Variants in ADAMTSL4 observed in about 807,000 individuals in gnomAD.
ADAMTSL4 encodes ADAMTS like 4.
Under a neutral mutation model 122.8 loss-of-function variants are expected in ADAMTSL4, and 97 were observed. That is an observed-to-expected ratio of 0.79 (90% CI 0.67 to 0.93). ADAMTSL4 has a LOEUF of 0.93. Among genes scored for constraint, ADAMTSL4 ranks in the 40% least tolerant of loss-of-function variants. The pLI is 0.00. For missense variants in ADAMTSL4, 1,408 were observed against 1,453.5 expected, an observed-to-expected ratio of 0.97 and a Z score of 0.51; for synonymous variants, 592 against 568.0, an observed-to-expected ratio of 1.04 and a Z score of -0.60.
chr1:150,559,455 C>T lies in ADAMTSL4; in HGVS notation c.2932C>T (p.Pro978Ser). 1.2e-6 allele frequency: 2 copies of T among 1,613,380 alleles called. No individual in the cohort carries two copies. Among genetic ancestry groups the T allele is most frequent in the Non-Finnish European group, 1.7e-6 (2 of 1,179,996 alleles). Residue 978 changes from proline to serine, a missense_variant, in exon 17 of 19, where the codon CCC becomes TCC. Coordinates refer to ENST00000271643, the MANE Select transcript of ADAMTSL4 (RefSeq NM_019032.6). This position sits in a 1 kb window ranked among gnomAD's most constrained non-coding sequence, Gnocchi z 4.1. ...CTGCCAGGACCGATGGTTTTCCACGCCCTGGAGCCCAGTGAGTGTCTGGCT... is the reference window on the plus strand; with the variant it reads ...CTGCCAGGACCGATGGTTTTCCACGTCCTGGAGCCCAGTGAGTGTCTGGCT... The part of the protein sequence containing the change: ...QACQDRWFST[P>S]WSPCSRSCQG...
In ADAMTSL4 at chr1:150,558,607, G is replaced by T; in HGVS notation, c.2517G>T (p.Gly839=). 1 of 1,613,870 alleles carries T rather than the reference G, an allele frequency of 6.2e-7. No homozygotes were observed. Among genetic ancestry groups the T allele is most frequent in the Non-Finnish European group, 8.5e-7 (1 of 1,179,934 alleles). The change falls in exon 15 of 19, where the codon GGG becomes GGT. Residue 839 remains glycine (G), a synonymous_variant. Transcript: ENST00000271643. ...QPPSREACDM[G]PCTTAWFHSD... ...CCAGCAGAGAGGCCTGTGACATGGG[G>T]CCCTGTACTACTGCCTGGTTCCACA...
Position 150,556,262 on chromosome 1 carries a change from T to C in ADAMTSL4, c.1472T>C (p.Leu491Pro). 6.2e-7 allele frequency: 1 copy of C among 1,614,088 alleles called. No individual in the cohort carries two copies. The highest frequency in any genetic ancestry group is 8.5e-7 in the Non-Finnish European group (1 of 1,180,010). The change falls in exon 9 of 19, where the codon CTC (leucine) becomes CCC (proline). Residue 491 changes from leucine to proline, a missense_variant. Transcript: ENST00000271643. The surrounding 1 kb of genome is among the most constrained non-coding windows in gnomAD (Gnocchi z 4.1). ...ACCTGTCGCCTTGTTTCGGGGAACC[T>C]CACTGACCGAGGGGGCCCCCTGGGC... The part of the protein sequence containing the change: ...DSTCRLVSGN[L>P]TDRGGPLGYQ...
chr1:150,555,863 G>T (rs1196408777), intron 8 of ADAMTSL4: 2 of 603,630 alleles, frequency 3.3e-6, no homozygotes, highest in Non-Finnish European at 5.9e-6. Flanking sequence ...ACACATGCAT[G>T]AACACATGCA....
intron 11 of ADAMTSL4, 26 bp downstream of exon 11, chr1:150,557,076 A>G: frequency 6.2e-7 from 1 of 1,611,818 alleles, no homozygotes; most frequent in Non-Finnish European, 8.5e-7. Context: ...CTGCACTTGG[A>G]AGGAGGAGGG....
intron 8 of ADAMTSL4, 127 bp downstream of exon 8, chr1:150,555,692 C>G (rs1339892697): frequency 3.0e-6 from 4 of 1,319,652 alleles, no homozygotes; most frequent in Admixed American, 2.3e-5. Flanking sequence ...TACACACACG[C>G]ATATGCGCAC....
At position 150,559,661 on chromosome 1, in the gene ADAMTSL4, G is replaced by C; in HGVS notation, c.2944-100G>C. 1 of 1,597,486 alleles carries C rather than the reference G, an allele frequency of 6.3e-7. No homozygotes were observed. The highest frequency in any genetic ancestry group is 1.1e-5 in the South Asian group (1 of 90,186). Reference sequence around the variant, plus strand: ...TTGGGATTTCACAATGTCCTAGGAGGGTCCCCACCACCACCTTTTGGGGAG... The same window carrying C: ...TTGGGATTTCACAATGTCCTAGGAGCGTCCCCACCACCACCTTTTGGGGAG... On this transcript the variant is annotated intron_variant, in intron 17 of 18. Transcript: ENST00000271643. The surrounding 1 kb of genome is among the most constrained non-coding windows in gnomAD (Gnocchi z 4.1).
Position 150,557,622 on chromosome 1 carries a change from T to C in ADAMTSL4, c.2176T>C (p.Tyr726His). The C allele has an allele frequency of 2.5e-6, 4 of 1,599,574 alleles. No homozygotes were observed. The highest frequency in any genetic ancestry group is 3.4e-6 in the Non-Finnish European group (4 of 1,173,622). The change falls in exon 13 of 19, where the codon TAC becomes CAC. Residue 726 changes from tyrosine (Y) to histidine (H), a missense_variant and splice_region_variant. Coordinates refer to ENST00000271643, the MANE Select transcript of ADAMTSL4 (RefSeq NM_019032.6). ...EPCHGTPCPP[Y>H]WEAGEWTSCS... ...CTGCCACGGCACCCCATGCCCCCCA[T>C]AGTGAGTATGGGGGAGCCCACGGGG...
In ADAMTSL4 at chr1:150,552,331, G is replaced by C. The variant is rs200129240; in HGVS notation, c.20+23G>C. 144 of 1,552,628 alleles carry C rather than the reference G, an allele frequency of 9.3e-5. 2 individuals are homozygous for C. In the African/African-American group the frequency reaches 1.7e-3, roughly 18 times the overall value. ...CAGGTGAGAGAAGGGGCCACGGGTT[G>C]GGGGGGAGGAAAAGGGGAGGTGCTG... On this transcript the variant is annotated intron_variant, in intron 3 of 18. Transcript: ENST00000271643. The surrounding 1 kb of genome is among the most constrained non-coding windows in gnomAD (Gnocchi z 4.0).
Position 150,555,607 on chromosome 1 carries a change from G to GCACA in ADAMTSL4, c.1371+45_1371+48dup, listed in dbSNP as rs767036533. The GCACA allele has an allele frequency of 1.8e-5, 28 of 1,530,976 alleles. No individual in the cohort carries two copies. In the Admixed American group the frequency reaches 2.1e-4, roughly 12 times the overall value. The allele number at this position is 1,530,976 out of a possible 1,614,324, so 94.8% of individuals were successfully genotyped here. A position where few individuals can be genotyped will look rare whatever the true frequency, so the allele number is the denominator to read the frequency against. ...TGTGTGTGCACACACACATGCATAT[G>GCACA]CACACAGACACATGCCCCCATATGC... On this transcript the variant is annotated intron_variant, in intron 8 of 18. Coordinates refer to ENST00000271643, the MANE Select transcript of ADAMTSL4 (RefSeq NM_019032.6).
At position 150,559,188 on chromosome 1, in the gene ADAMTSL4, G is replaced by A. The variant is rs756009346; in HGVS notation, c.2763+23G>A. 2.0e-5 allele frequency: 32 copies of A among 1,611,936 alleles called. 1 individual carries two copies. The highest frequency in any genetic ancestry group is 2.6e-5 in the Non-Finnish European group (31 of 1,179,278). On this transcript the variant is annotated intron_variant, in intron 16 of 18. Transcript: ENST00000271643. The surrounding 1 kb of genome is among the most constrained non-coding windows in gnomAD (Gnocchi z 4.1). ...GAGGTAAGCTGAGCGCCTGCTGAGA[G>A]CAGGAAGGGGGTGCCAGTCCCAGTG...
In ADAMTSL4 at chr1:150,552,471, G is replaced by A. The variant is rs1249062061; in HGVS notation, c.21-72G>A. 6 of 1,604,626 alleles carry A rather than the reference G, an allele frequency of 3.7e-6. No individual in the cohort carries two copies. The African/African-American group carries it at 5.4e-5, about 14-fold the overall frequency. On this transcript the variant is annotated intron_variant, in intron 3 of 18. Coordinates refer to ENST00000271643, the MANE Select transcript of ADAMTSL4 (RefSeq NM_019032.6). The surrounding 1 kb of genome is among the most constrained non-coding windows in gnomAD (Gnocchi z 4.0). ...TAGTCAGGATATGGGAGCCGGCTGGGGGCGGAGGGCAGTGTTGCAACACCC... is the reference window on the plus strand; with the variant it reads ...TAGTCAGGATATGGGAGCCGGCTGGAGGCGGAGGGCAGTGTTGCAACACCC...
In ADAMTSL4 at chr1:150,554,313, C is replaced by T; in HGVS notation, c.1132-52C>T. 1.3e-6 allele frequency: 2 copies of T among 1,574,254 alleles called. No homozygotes were observed. Among genetic ancestry groups the T allele is most frequent in the Non-Finnish European group, 1.7e-6 (2 of 1,145,948 alleles). Reference sequence around the variant, plus strand: ...CCTGCTCCCCAGGTTCAGCCCTGCCCCTACCCTCATTTTGCTCCCCAGCTC... The same window carrying T: ...CCTGCTCCCCAGGTTCAGCCCTGCCTCTACCCTCATTTTGCTCCCCAGCTC... On this transcript the variant is annotated intron_variant, in intron 6 of 18. Transcript: ENST00000271643. The surrounding 1 kb of genome is among the most constrained non-coding windows in gnomAD (Gnocchi z 4.0).
chr1:150,557,951 G>A lies in ADAMTSL4; in HGVS notation c.2184G>A (p.Glu728=), dbSNP rs1175465514. The part of the protein sequence containing the change: ...CHGTPCPPYW[E]AGEWTSCSRS... ...GCCCTGCTGGTGCCTGCAGCTGGGA[G>A]GCTGGCGAGTGGACATCCTGCAGCC... Residue 728 remains glutamate (E), a synonymous_variant, in exon 14 of 19, where the codon GAG becomes GAA. Transcript: ENST00000271643. 1 of 1,606,712 alleles carries A rather than the reference G, an allele frequency of 6.2e-7. No homozygotes were observed. The highest frequency in any genetic ancestry group is 2.2e-5 in the East Asian group (1 of 44,878).
rs749545274 is a variant in ADAMTSL4, at chr1:150,553,168, CA to C, written c.350del (p.Gln117ArgfsTer16). The C allele has an allele frequency of 3.7e-6, 6 of 1,611,352 alleles. No homozygotes were observed. The highest frequency in any genetic ancestry group is 1.6e-4 in the Middle Eastern group (1 of 6,066). On this transcript the variant is annotated frameshift_variant, in exon 5 of 19. Transcript: ENST00000271643. LOFTEE classifies it high-confidence loss of function. ...SPETLPLYRT[Q>X]SRGRGGPLRG... Reference sequence around the variant, plus strand: ...AGAAACCCTCCCCTTGTACAGGACACAGTCTCGGGGAAGGGGTGGCCCACTT... The same window carrying C: ...AGAAACCCTCCCCTTGTACAGGACACGTCTCGGGGAAGGGGTGGCCCACTT...
Position 150,556,172 on chromosome 1 carries a change from G to C in ADAMTSL4, c.1382G>C (p.Cys461Ser), listed in dbSNP as rs1367596792. The C allele has an allele frequency of 6.2e-7, 1 of 1,614,036 alleles. No homozygotes were observed. The highest frequency in any genetic ancestry group is 8.5e-7 in the Non-Finnish European group (1 of 1,180,036). Residue 461 changes from cysteine to serine, a missense_variant, in exon 9 of 19, where the codon TGT becomes TCT. Transcript: ENST00000271643. This position sits in a 1 kb window ranked among gnomAD's most constrained non-coding sequence, Gnocchi z 4.1. ...CVAGRCLSPG[C>S]DGILGSGRRP... ...CCTCACTCTCTCCAGAGCCCCGGCT[G>C]TGATGGGATCCTTGGCTCTGGCAGG...
chr1:150,558,630 A>G lies in ADAMTSL4; in HGVS notation c.2540A>G (p.His847Arg). The stretch of plus-strand genomic sequence containing the variant: ...GGGCCCTGTACTACTGCCTGGTTCC[A>G]CAGCGACTGGAGCTCCAAGGTGAGC... ...DMGPCTTAWF[H>R]SDWSSKCSAE... is the part of the protein sequence containing the mutation. Residue 847 changes from histidine (H) to arginine (R), a missense_variant, in exon 15 of 19, where the codon CAC becomes CGC. Coordinates refer to ENST00000271643, the MANE Select transcript of ADAMTSL4 (RefSeq NM_019032.6). 2 of 1,613,856 alleles carry G rather than the reference A, an allele frequency of 1.2e-6. No homozygotes were observed. The highest frequency in any genetic ancestry group is 1.7e-6 in the Non-Finnish European group (2 of 1,179,984).
Position 150,556,096 on chromosome 1 carries a change from G to T in ADAMTSL4, c.1372-66G>T, listed in dbSNP as rs1672076456. The T allele has an allele frequency of 6.3e-7, 1 of 1,577,240 alleles. No homozygotes were observed. Among genetic ancestry groups the T allele is most frequent in the Admixed American group, 1.7e-5 (1 of 59,856 alleles). On this transcript the variant is annotated intron_variant, in intron 8 of 18. Coordinates refer to ENST00000271643, the MANE Select transcript of ADAMTSL4 (RefSeq NM_019032.6). This position sits in a 1 kb window ranked among gnomAD's most constrained non-coding sequence, Gnocchi z 4.1. ...GGGTAGTGAGCTGAGGCTCCCGAGG[G>T]GACCGGGGTGGGGTTGAGGTGGTGT...
Position 150,559,406 on chromosome 1 carries a change from C to T in ADAMTSL4, c.2883C>T (p.Ala961=). 1 of 1,613,604 alleles carries T rather than the reference C, an allele frequency of 6.2e-7. No homozygotes were observed. The highest frequency in any genetic ancestry group is 8.5e-7 in the Non-Finnish European group (1 of 1,179,994). Reference sequence around the variant, plus strand: ...GTTCTCACCTCCCCAGGCCCCCTGCCCTGCAGCCCTGTCAAGGGCAGGCCT... The same window carrying T: ...GTTCTCACCTCCCCAGGCCCCCTGCTCTGCAGCCCTGTCAAGGGCAGGCCT... ...SNCSHLPRPP[A]LQPCQGQACQ... is the part of the protein sequence containing the mutation. Residue 961 remains alanine (A), a synonymous_variant, in exon 17 of 19, where the codon GCC becomes GCT. Coordinates refer to ENST00000271643, the MANE Select transcript of ADAMTSL4 (RefSeq NM_019032.6). This position sits in a 1 kb window ranked among gnomAD's most constrained non-coding sequence, Gnocchi z 4.1.
At position 150,558,581 on chromosome 1, in the gene ADAMTSL4, C is replaced by G. The variant is rs759874921; in HGVS notation, c.2491C>G (p.Pro831Ala). 5 of 1,613,812 alleles carry G rather than the reference C, an allele frequency of 3.1e-6. No homozygotes were observed. The Admixed American group carries it at 6.7e-5, about 22-fold the overall frequency. The change falls in exon 15 of 19, where the codon CCC becomes GCC. Residue 831 changes from proline (P) to alanine (A), a missense_variant. Physicochemically the swap from Pro to Ala is conservative, Grantham distance 27 (BLOSUM62 -1). Transcript: ENST00000271643. ...QECASGPPQP[P>A]SREACDMGPC... is the part of the protein sequence containing the mutation. ...GTGTGCGTCAGGCCCCCCGCAGCCC[C>G]CCAGCAGAGAGGCCTGTGACATGGG...
Sources: allele counts gnomAD v4.1 joint callset, GRCh38; gene constraint gnomAD v4.1.1; non-coding constraint Gnocchi (gnomAD v3.1); transcripts MANE v1.5; gene names NCBI Gene and HGNC (gene_info 2026-07-23, HGNC 2026-07-21).